ATP6V1H: variants seen among roughly 807,000 people sequenced by gnomAD.
ATP6V1H encodes V-type proton ATPase subunit H.
In ATP6V1H, 39 loss-of-function variants were observed where a neutral mutation model predicts 71.7. The observed-to-expected ratio is 0.54, with a 90% confidence interval of 0.42 to 0.71. ATP6V1H has a LOEUF of 0.71. Among genes scored for constraint, ATP6V1H ranks in the 30% least tolerant of loss-of-function variants. ATP6V1H has a pLI of 0.00. For synonymous variants in ATP6V1H, 192 were observed against 199.3 expected, an observed-to-expected ratio of 0.96 and a Z score of 0.31; for missense variants, 509 against 594.9, an observed-to-expected ratio of 0.86 and a Z score of 1.50.
chr8:53,728,675 A>C (rs1463165725), intron 13 of ATP6V1H, among the ~76,000 whole-genome samples: 1 of 152,162 alleles, frequency 6.6e-6, no homozygotes, highest in Non-Finnish European at 1.5e-5. Context: ...GTGGGCAACA[A>C]ATGTGAGCTA....
At chr8:53,771,611 CA>C (rs984920848) in intron 10 of ATP6V1H, among the ~76,000 whole-genome samples, 1 of 152,120 alleles carries the variant, frequency 6.6e-6, no homozygotes, top group Non-Finnish European at 1.5e-5. Flanking sequence ...AAAAGGCCTT[CA>C]AAAAGCAGGA....
At chr8:53,779,195 C>T (rs1809006350) in intron 9 of ATP6V1H, among the ~76,000 whole-genome samples, 1 of 151,994 alleles carries the variant, frequency 6.6e-6, no homozygotes, top group South Asian at 2.1e-4. Flanking sequence ...CCACCCTGAC[C>T]TAAATGACAC....
chr8:53,814,006 T>C lies in ATP6V1H; in HGVS notation c.525+656A>G, dbSNP rs55744265. Among the ~76,000 whole-genome samples, 1,375 of 152,222 alleles carry C rather than the reference T, an allele frequency of 9.0e-3. 19 individuals are homozygous for C. The highest frequency in any genetic ancestry group is 0.032 in the African/African-American group (1,313 of 41,548). On this transcript the variant is annotated intron_variant, in intron 6 of 13. Coordinates refer to ENST00000359530, the MANE Select transcript of ATP6V1H (RefSeq NM_015941.4). The stretch of plus-strand genomic sequence containing the variant: ...GGCAGCTGGAAGCACGGGAGGGACT[T>C]GGCCAGACAAGGACAAGCAGGTTAG...
Position 53,775,416 on chromosome 8 carries a change from C to T in ATP6V1H, c.871-3249G>A, listed in dbSNP as rs187200729. On this transcript the variant is annotated intron_variant, in intron 9 of 13. Transcript: ENST00000359530. ...CCTGCTTTTATTCTCTTATCTGGCC[C>T]CACCCACATCCTGCTGATTGGTAGA... is the stretch of plus-strand genomic sequence containing the variant. Among the ~76,000 whole-genome samples, 307 of 152,332 alleles carry T rather than the reference C, an allele frequency of 2.0e-3. 3 individuals carry two copies. In the East Asian group the frequency reaches 0.05, roughly 25 times the overall value.
At chr8:53,757,317 C>T (rs1808105289) in intron 11 of ATP6V1H, among the ~76,000 whole-genome samples, 2 of 152,150 alleles carry the variant, frequency 1.3e-5, no homozygotes. Context: ...GCTTCTGCTA[C>T]CCTCCTCAAG....
Position 53,765,231 on chromosome 8 carries a change from G to A in ATP6V1H, c.1175+4387C>T, listed in dbSNP as rs141792119. On this transcript the variant is annotated intron_variant, in intron 11 of 13. Transcript: ENST00000359530. ...GGCCTGGCCAACATGGTGAAACCCC[G>A]TCTCTACTAAAAATACAAAAATGAG... Among the ~76,000 whole-genome samples the A allele has an allele frequency of 6.5e-3, 985 of 151,830 alleles. 4 individuals carry two copies. The highest frequency in any genetic ancestry group is 0.023 in the African/African-American group (942 of 41,376).
chr8:53,834,672 C>T (rs1027953090), intron 2 of ATP6V1H, among the ~76,000 whole-genome samples: 1 of 152,184 alleles, frequency 6.6e-6, no homozygotes, highest in African/African-American at 2.4e-5. Context: ...GATCCACCTG[C>T]CTCAGCCTCC....
chr8:53,756,754 A>G, intron 11 of ATP6V1H, 98 bp from the exon 12 acceptor site: 2 of 703,850 alleles, frequency 2.8e-6, no homozygotes, highest in South Asian at 2.1e-5. Flanking sequence ...GAAAATAGAC[A>G]TTTATTAATA....
At chr8:53,794,650 A>G (rs1014801723) in intron 9 of ATP6V1H, among the ~76,000 whole-genome samples, 4 of 152,108 alleles carry the variant, frequency 2.6e-5, no homozygotes, top group African/African-American at 9.7e-5. Flanking sequence ...ACAGGTGTGA[A>G]CCACCACACC....
intron 13 of ATP6V1H, among the ~76,000 whole-genome samples, chr8:53,726,837 A>G (rs1003224028): frequency 6.6e-5 from 10 of 152,082 alleles, no homozygotes; most frequent in African/African-American, 2.4e-4. Flanking sequence ...AAGACCAGGG[A>G]ATACTCTGAC....
intron 7 of ATP6V1H, among the ~76,000 whole-genome samples, chr8:53,808,878 G>T (rs929498031): frequency 1.3e-4 from 20 of 151,984 alleles, no homozygotes; most frequent in African/African-American, 4.1e-4. Flanking sequence ...TTTAAAAAAG[G>T]TAAGACTGTT....
chr8:53,720,998 C>A (rs192431854), intron 13 of ATP6V1H, among the ~76,000 whole-genome samples: 1 of 152,284 alleles, frequency 6.6e-6, no homozygotes, highest in Admixed American at 6.5e-5. Flanking sequence ...TTAATCTTTA[C>A]CTATCCTGTT....
At chr8:53,745,779 T>C (rs1350020218) in intron 12 of ATP6V1H, among the ~76,000 whole-genome samples, 1 of 152,064 alleles carries the variant, frequency 6.6e-6, no homozygotes, top group Non-Finnish European at 1.5e-5. Flanking sequence ...AGGACGCTTG[T>C]TTCTAGCGTA....
intron 1 of ATP6V1H, 66 bp from the exon 2 acceptor site, chr8:53,841,791 T>C (rs932672466): frequency 2.1e-6 from 3 of 1,406,810 alleles, no homozygotes; most frequent in South Asian, 1.4e-5. Context: ...CTATTAATAT[T>C]ATGATTATGA....
At chr8:53,748,635 G>A (rs1807688829) in intron 12 of ATP6V1H, among the ~76,000 whole-genome samples, 1 of 152,086 alleles carries the variant, frequency 6.6e-6, no homozygotes, top group African/African-American at 2.4e-5. Flanking sequence ...AGGAAATGCA[G>A]GAGATAAAAT....
intron 12 of ATP6V1H, among the ~76,000 whole-genome samples, chr8:53,744,634 T>C (rs1807536150): frequency 6.6e-6 from 1 of 152,138 alleles, no homozygotes; most frequent in East Asian, 1.9e-4. Flanking sequence ...AATAAGTAGA[T>C]GGGGGTCGGA....
intron 9 of ATP6V1H, among the ~76,000 whole-genome samples, chr8:53,773,781 A>G (rs1380174979): frequency 6.6e-6 from 1 of 152,250 alleles, no homozygotes; most frequent in East Asian, 1.9e-4. Flanking sequence ...TCAATGAAAT[A>G]AAATGCTTTC....
chr8:53,754,965 G>A (rs568677464), intron 12 of ATP6V1H, among the ~76,000 whole-genome samples: 104 of 152,336 alleles, frequency 6.8e-4, no homozygotes, highest in South Asian at 2.9e-3. Flanking sequence ...GTACAGAGCC[G>A]TTGACTGGCA....
At chr8:53,821,637 A>G (rs762914491) in intron 4 of ATP6V1H, among the ~76,000 whole-genome samples, 14 of 152,186 alleles carry the variant, frequency 9.2e-5, no homozygotes, top group Non-Finnish European at 1.5e-4. Context: ...CAATGAGCTG[A>G]GATCGTACCA....
Sources: allele counts gnomAD v4.1 joint callset (sites outside exome capture counted in the v4.1 genomes callset), GRCh38; gene constraint gnomAD v4.1.1; transcripts MANE v1.5; gene names NCBI Gene and HGNC (gene_info 2026-07-23, HGNC 2026-07-21).